Variants in RAB3C observed in about 807,000 individuals in gnomAD.
The protein encoded by RAB3C is RAB3C, member RAS oncogene family.
Under a neutral mutation model 26.4 loss-of-function variants are expected in RAB3C, and 17 were observed. That is an observed-to-expected ratio of 0.64 (90% CI 0.44 to 0.97). The LOEUF is 0.97. Ranked by LOEUF, RAB3C falls within the 50% of genes least tolerant of loss-of-function variation. The pLI is 0.00. For synonymous variants in RAB3C, 91 were observed against 95.9 expected, an observed-to-expected ratio of 0.95 and a Z score of 0.30; for missense variants, 242 against 281.9, an observed-to-expected ratio of 0.86 and a Z score of 1.01.
At chr5:58,595,769 AG>A (rs754302724) in intron 1 of RAB3C, among the ~76,000 whole-genome samples, 6 of 152,164 alleles carry the variant, frequency 3.9e-5, no homozygotes, top group Non-Finnish European at 7.4e-5. Flanking sequence ...TGGAGAGAAC[AG>A]GTATTTGAAA....
intron 3 of RAB3C, among the ~76,000 whole-genome samples, chr5:58,774,926 G>A (rs1465706354): frequency 6.6e-6 from 1 of 152,128 alleles, no homozygotes; most frequent in Non-Finnish European, 1.5e-5. Context: ...GCCTTGTGAA[G>A]CATCGTGACT....
intron 4 of RAB3C, among the ~76,000 whole-genome samples, chr5:58,836,399 CCTT>C (rs1270726503): frequency 4.6e-5 from 7 of 152,194 alleles, no homozygotes; most frequent in South Asian, 2.1e-4. Context: ...TCAGTATTCT[CCTT>C]CTCGCTATTT....
At chr5:58,775,848 A>G (rs1742120391) in intron 3 of RAB3C, among the ~76,000 whole-genome samples, 1 of 152,094 alleles carries the variant, frequency 6.6e-6, no homozygotes, top group Non-Finnish European at 1.5e-5. Context: ...TGCTGTGGAT[A>G]TGCTGATGGT....
intron 3 of RAB3C, among the ~76,000 whole-genome samples, chr5:58,727,285 C>G (rs1458205968): frequency 6.6e-6 from 1 of 151,916 alleles, no homozygotes; most frequent in Non-Finnish European, 1.5e-5. Flanking sequence ...TACACACACA[C>G]ACACACAGTT....
intron 3 of RAB3C, among the ~76,000 whole-genome samples, chr5:58,789,998 G>C (rs1353153001): frequency 6.6e-6 from 1 of 152,130 alleles, no homozygotes; most frequent in Non-Finnish European, 1.5e-5. Flanking sequence ...GGACATTATG[G>C]GTTTTAAAAG....
chr5:58,754,480 G>T (rs1282257315), intron 3 of RAB3C, among the ~76,000 whole-genome samples: 4 of 152,116 alleles, frequency 2.6e-5, no homozygotes, highest in Admixed American at 2.6e-4. Flanking sequence ...CATACTCAGC[G>T]TGAATATGGA....
At chr5:58,606,713 ATAT>A (rs1469870999) in intron 1 of RAB3C, among the ~76,000 whole-genome samples, 2 of 152,144 alleles carry the variant, frequency 1.3e-5, no homozygotes, top group Non-Finnish European at 2.9e-5. Flanking sequence ...AGGCAGCAAT[ATAT>A]GCTATTCTGC....
chr5:58,609,426 G>A (rs1014663665), intron 1 of RAB3C, among the ~76,000 whole-genome samples: 21 of 152,262 alleles, frequency 1.4e-4, no homozygotes, highest in Non-Finnish European at 2.5e-4. Flanking sequence ...TCCTTTAAAA[G>A]GGGGATGCTA....
intron 1 of RAB3C, among the ~76,000 whole-genome samples, chr5:58,587,983 C>A (rs927907444): frequency 3.3e-5 from 5 of 152,086 alleles, no homozygotes; most frequent in African/African-American, 1.2e-4. Context: ...TGGCTTATTT[C>A]GTTCAGCATA....
rs1248793178 is a variant in RAB3C, at chr5:58,685,213, A to G, written c.253-40789A>G. ...CATCCACTGGGGAGTCTTGGAACATATTTCCCTCAGATAAGGGACAACTAC... is the reference window on the plus strand; with the variant it reads ...CATCCACTGGGGAGTCTTGGAACATGTTTCCCTCAGATAAGGGACAACTAC... On this transcript the variant is annotated intron_variant, in intron 2 of 4. Coordinates refer to ENST00000282878, the MANE Select transcript of RAB3C (RefSeq NM_138453.4). Among the ~76,000 whole-genome samples the G allele has an allele frequency of 2.0e-5, 3 of 152,220 alleles. No individual in the cohort carries two copies. In the East Asian group the frequency reaches 5.8e-4, roughly 29 times the overall value.
chr5:58,620,388 G>C (rs571539126), intron 2 of RAB3C, among the ~76,000 whole-genome samples: 8 of 152,160 alleles, frequency 5.3e-5, no homozygotes, highest in African/African-American at 1.9e-4. Flanking sequence ...GTACTATTGT[G>C]GTCTGTTAGA....
At chr5:58,819,943 A>G (rs1314232975) in intron 3 of RAB3C, among the ~76,000 whole-genome samples, 2 of 152,202 alleles carry the variant, frequency 1.3e-5, no homozygotes, top group Non-Finnish European at 2.9e-5. Flanking sequence ...GACCAAATGT[A>G]GATTTCATTG....
At chr5:58,630,575 C>G (rs888414410) in intron 2 of RAB3C, among the ~76,000 whole-genome samples, 4 of 152,154 alleles carry the variant, frequency 2.6e-5, no homozygotes, top group Non-Finnish European at 5.9e-5. Context: ...TCAAAGACAG[C>G]TGATTTTTCA....
At chr5:58,820,866 G>A (rs1368227449) in intron 3 of RAB3C, among the ~76,000 whole-genome samples, 1 of 152,100 alleles carries the variant, frequency 6.6e-6, no homozygotes, top group Non-Finnish European at 1.5e-5. Context: ...GTGCATAAAT[G>A]TATAACCTAT....
At position 58,611,209 on chromosome 5, in the gene RAB3C, A is replaced by G. The variant is rs1368524016; in HGVS notation, c.25-6434A>G. On this transcript the variant is annotated intron_variant, in intron 1 of 4. Coordinates refer to ENST00000282878, the MANE Select transcript of RAB3C (RefSeq NM_138453.4). ...TGAACATATATGTGCATGTCTCTTT[A>G]TAATAGAACAATGTCTGGTCCTTTG... is the stretch of plus-strand genomic sequence containing the variant. Among the ~76,000 whole-genome samples, 3 of 152,052 alleles carry G rather than the reference A, an allele frequency of 2.0e-5. No individual in the cohort carries two copies. In the East Asian group the frequency reaches 5.8e-4, roughly 29 times the overall value.
chr5:58,776,730 G>T (rs1192094684), intron 3 of RAB3C, among the ~76,000 whole-genome samples: 1 of 152,038 alleles, frequency 6.6e-6, no homozygotes, highest in Non-Finnish European at 1.5e-5. Context: ...CACTCCACTG[G>T]ATATCACAGT....
chr5:58,628,782 G>A (rs1444974342), intron 2 of RAB3C, among the ~76,000 whole-genome samples: 4 of 152,230 alleles, frequency 2.6e-5, no homozygotes, highest in East Asian at 1.9e-4. Context: ...GGTGCCTTCC[G>A]CCTTGCCAGG....
intron 2 of RAB3C, among the ~76,000 whole-genome samples, chr5:58,700,417 C>T (rs540773592): frequency 1.3e-4 from 20 of 152,256 alleles, no homozygotes; most frequent in Middle Eastern, 3.4e-3. Context: ...GATATTAATT[C>T]CATGAACTAA....
intron 1 of RAB3C, among the ~76,000 whole-genome samples, chr5:58,589,823 A>T (rs1313886293): frequency 6.6e-6 from 1 of 152,218 alleles, no homozygotes; most frequent in Non-Finnish European, 1.5e-5. Flanking sequence ...TCTTAAAAGT[A>T]GAGAACTTTC....
Sources: gnomAD v4.1 joint callset for allele counts (sites outside exome capture counted in the v4.1 genomes callset) on GRCh38, gnomAD v4.1.1 for gene constraint, MANE v1.5 for transcripts, NCBI Gene and HGNC (gene_info 2026-07-23, HGNC 2026-07-21) for gene names.